Variants in PIK3R3 observed in about 807,000 individuals in gnomAD.
The protein encoded by PIK3R3 is phosphatidylinositol 3-kinase regulatory subunit gamma.
PIK3R3 carries 64 observed loss-of-function variants against 62.9 expected under a neutral mutation model. The observed-to-expected ratio is 1.02, with a 90% CI of 0.83 to 1.25. The LOEUF (loss-of-function observed/expected upper bound fraction) is 1.25. Among genes scored for constraint, PIK3R3 ranks in the 50% most tolerant of loss-of-function variants. The pLI, the probability that PIK3R3 is intolerant of heterozygous loss-of-function variation, is 0.00. For missense variants in PIK3R3, 614 were observed against 561.6 expected, an observed-to-expected ratio of 1.09 and a Z score of -0.94; for synonymous variants, 165 against 189.0, an observed-to-expected ratio of 0.87 and a Z score of 1.04.
intron 6 of PIK3R3, chr1:46,056,591 G>A (rs1364930288): frequency 2.6e-5 from 4 of 152,180 alleles, no homozygotes; most frequent in Non-Finnish European, 5.9e-5. Flanking sequence ...CTGACCCAAT[G>A]AGAGTCAATT....
chr1:46,139,364 G>A, the PIK3R3 span, among the ~76,000 whole-genome samples: 1 of 151,602 alleles, frequency 6.6e-6, no homozygotes, highest in African/African-American at 2.4e-5. Flanking sequence ...GGAGTACAAT[G>A]GCATGATCTG....
upstream of PIK3R3, among the ~76,000 whole-genome samples, chr1:46,134,921 A>C (rs538621050): frequency 2.0e-5 from 3 of 152,364 alleles, no homozygotes; most frequent in African/African-American, 7.2e-5. Context: ...CACATGGAGT[A>C]AAGCTGTGAT....
At chr1:46,095,713 G>A (rs1033122177) in intron 1 of PIK3R3, among the ~76,000 whole-genome samples, 1 of 151,986 alleles carries the variant, frequency 6.6e-6, no homozygotes, top group African/African-American at 2.4e-5. Context: ...AAAGTTAAAG[G>A]TTGACACATT....
chr1:46,114,987 A>G (rs889956754), intron 1 of PIK3R3, among the ~76,000 whole-genome samples: 2 of 152,080 alleles, frequency 1.3e-5, no homozygotes, highest in Non-Finnish European at 2.9e-5. Context: ...TGGTCTAGAC[A>G]CAGAAAGCTA....
intron 1 of PIK3R3, among the ~76,000 whole-genome samples, chr1:46,081,511 C>T (rs568140424): frequency 6.6e-6 from 1 of 152,192 alleles, no homozygotes; most frequent in African/African-American, 2.4e-5. Flanking sequence ...TGTGAGGGAT[C>T]GAGGTTGTGT....
chr1:46,090,551 T>C (rs909794733), intron 1 of PIK3R3, among the ~76,000 whole-genome samples: 2 of 152,070 alleles, frequency 1.3e-5, no homozygotes, highest in African/African-American at 4.8e-5. Flanking sequence ...GCCAGGCTGG[T>C]CTCAAACTCC....
rs75506633 is a variant in PIK3R3, at chr1:46,090,874, A to G, written c.107-10124T>C. 0.015 allele frequency among the ~76,000 whole-genome samples: 2,251 copies of G among 152,318 alleles called. 111 individuals are homozygous for G. The East Asian group carries it at 0.2, about 13-fold the overall frequency. On this transcript the variant is annotated intron_variant, in intron 1 of 9. Coordinates refer to ENST00000262741, the MANE Select transcript of PIK3R3 (RefSeq NM_003629.4). ...GAAATCAGCCACAGTGGGAGTATTT[A>G]TACTTTGGAAATCAGCAAATACTAC...
intron 3 of PIK3R3, among the ~76,000 whole-genome samples, chr1:46,076,487 G>A (rs151107868): frequency 6.6e-6 from 1 of 152,116 alleles, no homozygotes; most frequent in Non-Finnish European, 1.5e-5. Flanking sequence ...AGCCTGAGTG[G>A]AGTAGAGGAA....
chr1:46,057,881 C>A (rs1049750305), intron 6 of PIK3R3, among the ~76,000 whole-genome samples: 1 of 44,954 alleles, frequency 2.2e-5, no homozygotes, highest in African/African-American at 8.2e-5. Flanking sequence ...AAATTCAAGC[C>A]GGCTGCAGAA....
chr1:46,043,915 T>G (rs773645352), intron 9 of PIK3R3, 44 bp from the exon 10 acceptor site: 2 of 1,517,198 alleles, frequency 1.3e-6, no homozygotes, highest in Non-Finnish European at 1.8e-6. Flanking sequence ...TAGGTAACAA[T>G]AGATAAAAGG....
intron 6 of PIK3R3, 87 bp from the exon 7 acceptor site, chr1:46,056,058 T>C (rs1033448859): frequency 1.2e-6 from 1 of 819,462 alleles, no homozygotes; most frequent in African/African-American, 1.8e-5. Context: ...TATCCTTTTT[T>C]TTTTTCCCTT....
chr1:46,063,742 C>T (rs1648736207), intron 5 of PIK3R3, among the ~76,000 whole-genome samples: 1 of 152,158 alleles, frequency 6.6e-6, no homozygotes, highest in Non-Finnish European at 1.5e-5. Context: ...GGTCTCAGCT[C>T]CCCTTCCTTT....
intron 3 of PIK3R3, among the ~76,000 whole-genome samples, chr1:46,077,023 T>A (rs1447365012): frequency 6.6e-6 from 1 of 152,180 alleles, no homozygotes; most frequent in Non-Finnish European, 1.5e-5. Context: ...TATGTGCAAA[T>A]ATTAAAAAAT....
At position 46,053,080 on chromosome 1, in the gene PIK3R3, T is replaced by C. The variant is rs536827824; in HGVS notation, c.941+2715A>G. 1.3e-4 allele frequency among the ~76,000 whole-genome samples: 20 copies of C among 152,276 alleles called. No individual in the cohort carries two copies. In the East Asian group the frequency reaches 3.1e-3, roughly 23 times the overall value. ...CACCAAGCCCAGAGACAATTCTCTG[T>C]TAGAAACATCAAAGCATGGACCATG... On this transcript the variant is annotated intron_variant, in intron 7 of 9. Transcript: ENST00000262741.
the PIK3R3 span, among the ~76,000 whole-genome samples, chr1:46,148,337 A>G: frequency 0.037 from 5,690 of 152,316 alleles, 349 homozygotes; most frequent in African/African-American, 0.13. Flanking sequence ...AAACAATGTT[A>G]GCAAGAACCA....
the PIK3R3 span, among the ~76,000 whole-genome samples, chr1:46,140,502 TAATTA>T: frequency 2.6e-5 from 4 of 152,222 alleles, no homozygotes; most frequent in South Asian, 4.1e-4. Flanking sequence ...TTTGCAGATA[TAATTA>T]AATTAAAGAT....
chr1:46,169,136 C>T, the PIK3R3 span, among the ~76,000 whole-genome samples: 1 of 152,206 alleles, frequency 6.6e-6, no homozygotes, highest in Non-Finnish European at 1.5e-5. Flanking sequence ...CATGGACTTA[C>T]ATTTTACCTA....
chr1:46,133,063 G>T, upstream of PIK3R3: 1 of 1,015,004 alleles, frequency 9.9e-7, no homozygotes, highest in South Asian at 3.4e-5. Flanking sequence ...TGCGTCTTTT[G>T]TCTGCCTTGC....
chr1:46,063,646 T>A (rs1648725352), intron 5 of PIK3R3, among the ~76,000 whole-genome samples: 1 of 152,168 alleles, frequency 6.6e-6, no homozygotes, highest in Admixed American at 6.5e-5. Flanking sequence ...ACAATGCCAC[T>A]ATACCACTAC....
Sources: allele counts gnomAD v4.1 joint callset (sites outside exome capture counted in the v4.1 genomes callset), GRCh38; gene constraint gnomAD v4.1.1; transcripts MANE v1.5; gene names NCBI Gene and HGNC (gene_info 2026-07-23, HGNC 2026-07-21).